The following GALNTL6 variants were observed in gnomAD, a reference collection of about 807,000 sequenced individuals.
GALNTL6 encodes polypeptide N-acetylgalactosaminyltransferase like 6, also known as polypeptide N-acetylgalactosaminyltransferase-like 6.
Under a neutral mutation model 73.7 loss-of-function variants are expected in GALNTL6, and 46 were observed. That is an observed-to-expected ratio of 0.62 (90% CI 0.49 to 0.80). GALNTL6 has a LOEUF of 0.80. GALNTL6 is among the 30% of genes least tolerant of loss of function. The pLI is 0.00. For missense variants in GALNTL6, 604 were observed against 755.0 expected, an observed-to-expected ratio of 0.80 and a Z score of 2.34; for synonymous variants, 259 against 263.7, an observed-to-expected ratio of 0.98 and a Z score of 0.17.
Position 172,850,807 on chromosome 4 carries a change from T to C in GALNTL6, c.924-31983T>C, listed in dbSNP as rs376065195. 2.6e-4 allele frequency among the ~76,000 whole-genome samples: 39 copies of C among 152,184 alleles called. No homozygotes were observed. The East Asian group carries it at 6.2e-3, about 24-fold the overall frequency. ...AAGGCTCATAGATCTCAGGGAAAGA[T>C]TTTCCCTATGTTTACCCATTTATCA... On this transcript the variant is annotated intron_variant, in intron 7 of 12. Coordinates refer to ENST00000506823, the MANE Select transcript of GALNTL6 (RefSeq NM_001034845.3).
At chr4:172,999,787 T>C (rs1324481491) in intron 10 of GALNTL6, among the ~76,000 whole-genome samples, 1 of 151,260 alleles carries the variant, frequency 6.6e-6, no homozygotes, top group East Asian at 1.9e-4. Context: ...ATATATATAA[T>C]TTGGATATAT....
At position 171,825,944 on chromosome 4, in the gene GALNTL6, T is replaced by C. The variant is rs74443675; in HGVS notation, c.138+11226T>C. Among the ~76,000 whole-genome samples, 31 of 152,298 alleles carry C rather than the reference T, an allele frequency of 2.0e-4. No homozygotes were observed. The East Asian group carries it at 5.8e-3, about 28-fold the overall frequency. On this transcript the variant is annotated intron_variant, in intron 2 of 12. Transcript: ENST00000506823. ...CTTCTGCTATTGCTCTTTGTTGTCA[T>C]TGGTTTGTCTGTAATGCTGGGACCT...
chr4:172,624,605 G>T (rs1739084772), intron 5 of GALNTL6, among the ~76,000 whole-genome samples: 1 of 151,858 alleles, frequency 6.6e-6, no homozygotes, highest in South Asian at 2.1e-4. Flanking sequence ...GTATGAAAAG[G>T]CATTTTTTAC....
intron 3 of GALNTL6, among the ~76,000 whole-genome samples, chr4:172,282,689 A>T (rs1328908910): frequency 6.6e-6 from 1 of 150,816 alleles, no homozygotes; most frequent in Non-Finnish European, 1.5e-5. Context: ...AAGCAAAATG[A>T]CTAGTTAGTA....
chr4:172,483,013 T>C (rs980008844), intron 5 of GALNTL6, among the ~76,000 whole-genome samples: 4 of 151,816 alleles, frequency 2.6e-5, no homozygotes, highest in African/African-American at 9.7e-5. Context: ...TATGTATATA[T>C]ATATATGAAG....
intron 2 of GALNTL6, among the ~76,000 whole-genome samples, chr4:172,069,853 T>G (rs1731500566): frequency 9.4e-6 from 1 of 106,904 alleles, no homozygotes; most frequent in African/African-American, 3.6e-5. Context: ...AAAACACACC[T>G]GCTTTCCTAG....
intron 2 of GALNTL6, among the ~76,000 whole-genome samples, chr4:171,869,870 G>C (rs1736086913): frequency 6.6e-6 from 1 of 152,050 alleles, no homozygotes; most frequent in African/African-American, 2.4e-5. Flanking sequence ...CTTCTGCCAT[G>C]ATTGTGAGGC....
intron 5 of GALNTL6, among the ~76,000 whole-genome samples, chr4:172,771,821 T>C (rs1738779848): frequency 1.3e-5 from 2 of 152,200 alleles, no homozygotes; most frequent in South Asian, 4.1e-4. Context: ...CAATGTTCTA[T>C]AGGCCAAGAG....
At chr4:172,610,391 T>A (rs192237168) in intron 5 of GALNTL6, among the ~76,000 whole-genome samples, 93 of 152,238 alleles carry the variant, frequency 6.1e-4, no homozygotes, top group African/African-American at 1.7e-3. Flanking sequence ...GATTCTGGTA[T>A]GTTGTATCTT....
intron 2 of GALNTL6, among the ~76,000 whole-genome samples, chr4:171,967,449 T>TTTTTGTTTTTTG (rs1553976636): frequency 5.8e-5 from 7 of 120,350 alleles, no homozygotes; most frequent in African/African-American, 3.1e-4. Flanking sequence ...CCCTATGGGT[T>TTTTTGTTTTTTG]TTTTTTTTTT....
rs114280676 is a variant in GALNTL6 at position 172,333,075 on chromosome 4, T to C, written c.387-15448T>C. Among the ~76,000 whole-genome samples the C allele has an allele frequency of 3.5e-3, 528 of 152,340 alleles. 2 individuals carry two copies. The highest frequency in any genetic ancestry group is 0.012 in the African/African-American group (490 of 41,578). On this transcript the variant is annotated intron_variant, in intron 4 of 12. Transcript: ENST00000506823. The stretch of plus-strand genomic sequence containing the variant: ...ATTAATGATGATCAGCCTCTTTTTA[T>C]ATACCACTTGGTCATTTGTAAGTCT...
Position 173,040,066 on chromosome 4 carries a change from T to A in GALNTL6, c.1772T>A (p.Val591Asp). 6.2e-7 allele frequency: 1 copy of A among 1,613,118 alleles called. No homozygotes were observed. The highest frequency in any genetic ancestry group is 8.5e-7 in the Non-Finnish European group (1 of 1,179,330). ...QWIFEHINMT[V>D]LEKFNHHANS The stretch of plus-strand genomic sequence containing the variant: ...ATTTTTGAACACATTAATATGACTG[T>A]TTTAGAAAAATTTAACCACCATGCC... The change falls in exon 13 of 13, where the codon GTT (valine) becomes GAT (aspartate). Residue 591 changes from valine (V) to aspartate (D), a missense_variant. Val to Asp is a radical substitution (Grantham distance 152). Coordinates refer to ENST00000506823, the MANE Select transcript of GALNTL6 (RefSeq NM_001034845.3).
At chr4:171,823,711 C>A (rs1018042675) in intron 2 of GALNTL6, among the ~76,000 whole-genome samples, 1 of 151,404 alleles carries the variant, frequency 6.6e-6, no homozygotes, top group Non-Finnish European at 1.5e-5. Context: ...AAGGAGATGT[C>A]AGGAAACCAT....
At position 172,632,486 on chromosome 4, in the gene GALNTL6, CT is replaced by C. The variant is rs202111680; in HGVS notation, c.554-176874del. Among the ~76,000 whole-genome samples, 1,298 of 152,168 alleles carry C rather than the reference CT, an allele frequency of 8.5e-3. 16 individuals are homozygous for C. The highest frequency in any genetic ancestry group is 0.026 in the African/African-American group (1,088 of 41,490). On this transcript the variant is annotated intron_variant, in intron 5 of 12. Coordinates refer to ENST00000506823, the MANE Select transcript of GALNTL6 (RefSeq NM_001034845.3). ...CAAAAAGACTGGTGATATTTTGCCT[CT>C]GCCCTAGAGGTCTGTGGAACTTTGA...
At chr4:172,040,355 T>C (rs898768944) in intron 2 of GALNTL6, among the ~76,000 whole-genome samples, 2 of 152,136 alleles carry the variant, frequency 1.3e-5, no homozygotes, top group South Asian at 2.1e-4. Flanking sequence ...AGTTTTACTC[T>C]TTTGTAATAT....
chr4:171,999,901 C>G (rs995694221), intron 2 of GALNTL6, among the ~76,000 whole-genome samples: 2 of 152,122 alleles, frequency 1.3e-5, no homozygotes, highest in African/African-American at 4.8e-5. Context: ...CATAGCCTAA[C>G]ACCGATATTC....
At chr4:172,203,658 C>T (rs1227160602) in intron 2 of GALNTL6, among the ~76,000 whole-genome samples, 1 of 152,114 alleles carries the variant, frequency 6.6e-6, no homozygotes, top group African/African-American at 2.4e-5. Flanking sequence ...TTCATTTGAC[C>T]TCCAGACCCA....
intron 2 of GALNTL6, among the ~76,000 whole-genome samples, chr4:171,885,061 A>AAAAAG (rs1241459215): frequency 6.6e-6 from 1 of 151,802 alleles, no homozygotes; most frequent in Non-Finnish European, 1.5e-5. Context: ...TACCTCAAAA[A>AAAAAG]AAAAGAAAAG....
chr4:172,599,401 G>A (rs1426136464), intron 5 of GALNTL6, among the ~76,000 whole-genome samples: 1 of 152,028 alleles, frequency 6.6e-6, no homozygotes, highest in Non-Finnish European at 1.5e-5. Context: ...AGAAAAAAAC[G>A]ACTTGATTGG....
Sources: allele counts gnomAD v4.1 joint callset (sites outside exome capture counted in the v4.1 genomes callset), GRCh38; gene constraint gnomAD v4.1.1; transcripts MANE v1.5; gene names NCBI Gene and HGNC (gene_info 2026-07-23, HGNC 2026-07-21).